SMARCC1: variants seen among roughly 807,000 people sequenced by gnomAD.
SMARCC1 encodes the protein SWI/SNF complex subunit SMARCC1.
Under a neutral mutation model 147.4 loss-of-function variants are expected in SMARCC1, and 43 were observed. The ratio of observed to expected loss-of-function variants is 0.29; its 90% CI spans 0.23 to 0.38. SMARCC1 has a LOEUF of 0.38. SMARCC1 is among the 10% of genes least tolerant of loss of function. The pLI is 1.00. For synonymous variants in SMARCC1, 495 were observed against 484.4 expected (o/e 1.02, Z -0.29); for missense variants, 1,119 against 1,381.1 (o/e 0.81, Z 3.01).
At chr3:47,643,535 A>T (rs2033080168) in intron 21 of SMARCC1, among the ~76,000 whole-genome samples, 2 of 152,224 alleles carry the variant, frequency 1.3e-5, no homozygotes, top group African/African-American at 4.8e-5. Flanking sequence ...AAAAAGAAAA[A>T]AAAAAGCAAG....
intron 2 of SMARCC1, among the ~76,000 whole-genome samples, chr3:47,770,374 A>T (rs2034898960): frequency 6.6e-6 from 1 of 152,040 alleles, no homozygotes; most frequent in Non-Finnish European, 1.5e-5. Context: ...TAATCCCAGC[A>T]CTTTGGGAGG....
Position 47,590,670 on chromosome 3 carries a change from T to C in SMARCC1, c.3211A>G (p.Asn1071Asp), listed in dbSNP as rs139202319. ...CCTCCATGTTACTTACACATGCCGTTAGGTGCTGTCAGGGGTACCCGGGGT... is the reference window on the plus strand; with the variant it reads ...CCTCCATGTTACTTACACATGCCGTCAGGTGCTGTCAGGGGTACCCGGGGT... ...LGPRVPLTAP[N>D]GMYPPPPQQQ... The change falls in exon 27 of 28, where the codon AAC becomes GAC. Residue 1071 changes from asparagine to aspartate, a missense_variant. Around this residue, in one of 6 missense-constraint regions of SMARCC1, gnomAD observed 186 missense variants for 216.5 expected, o/e 0.86. Transcript: ENST00000254480. The C allele has an allele frequency of 4.7e-5, 72 of 1,542,432 alleles. No individual in the cohort carries two copies. The African/African-American group carries it at 6.2e-4, about 13-fold the overall frequency.
At chr3:47,774,625 G>C (rs961903707) in intron 1 of SMARCC1, among the ~76,000 whole-genome samples, 15 of 151,748 alleles carry the variant, frequency 9.9e-5, no homozygotes, top group African/African-American at 3.1e-4. Context: ...CACCATGTTA[G>C]CCAGGATGGT....
rs1027115410 is a variant in SMARCC1 at position 47,629,065 on chromosome 3, G to A, written c.2646+6125C>T. On this transcript the variant is annotated intron_variant, in intron 24 of 27. Coordinates refer to ENST00000254480, the MANE Select transcript of SMARCC1 (RefSeq NM_003074.4). ...ACTGTGGAGAACAATTCTGCGAGTA[G>A]GACTGGGCCCTGATGAAGGAACTGG... 6.6e-5 allele frequency among the ~76,000 whole-genome samples: 10 copies of A among 152,162 alleles called. No homozygotes were observed. In the East Asian group the frequency reaches 1.7e-3, roughly 26 times the overall value.
intron 14 of SMARCC1, among the ~76,000 whole-genome samples, chr3:47,680,895 G>A (rs954442410): frequency 3.3e-5 from 5 of 152,120 alleles, no homozygotes; most frequent in African/African-American, 9.7e-5. Context: ...CTAAGTAAAA[G>A]TGATAAATCC....
intron 21 of SMARCC1, among the ~76,000 whole-genome samples, chr3:47,650,298 A>AATT (rs55981108): frequency 0.13 from 18,931 of 140,832 alleles, 1,530 homozygotes; most frequent in Non-Finnish European, 0.16. Context: ...TAATAATAAT[A>AATT]ATTATTATTA....
At chr3:47,708,922 G>T (rs918394654) in intron 9 of SMARCC1, among the ~76,000 whole-genome samples, 5 of 152,110 alleles carry the variant, frequency 3.3e-5, no homozygotes, top group African/African-American at 9.7e-5. Context: ...TTACAGGTGT[G>T]AGCCACTGGG....
Position 47,673,226 on chromosome 3 carries a change from A to T in SMARCC1, c.1839+2249T>A, listed in dbSNP as rs57089974. Among the ~76,000 whole-genome samples the T allele has an allele frequency of 4.2e-3, 635 of 152,040 alleles. 6 individuals are homozygous for T. Among genetic ancestry groups the T allele is most frequent in the African/African-American group, 0.015 (612 of 41,472 alleles). On this transcript the variant is annotated intron_variant, in intron 18 of 27. Coordinates refer to ENST00000254480, the MANE Select transcript of SMARCC1 (RefSeq NM_003074.4). ...CAGTGAGATGTTCTCTCTTTAAAAA[A>T]ATAAAAATAAAAAAAAAGCCGGGTG...
At position 47,635,290 on chromosome 3, in the gene SMARCC1, T is replaced by C. The variant is rs1031147970; in HGVS notation, c.2546A>G (p.Glu849Gly). 1.9e-6 allele frequency: 3 copies of C among 1,612,746 alleles called. No homozygotes were observed. The highest frequency in any genetic ancestry group is 1.1e-5 in the South Asian group (1 of 91,044). Reference sequence around the variant, plus strand: ...TACTTTCTTCTTCCCAGTATCACTTTCTCTTTCTTTACATGTATCAGTGAG... The same window carrying C: ...TACTTTCTTCTTCCCAGTATCACTTCCTCTTTCTTTACATGTATCAGTGAG... The part of the protein sequence containing the change: ...KELTDTCKER[E>G]SDTGKKKVEH... The change falls in exon 24 of 28, where the codon GAA (glutamate) becomes GGA (glycine). Residue 849 changes from glutamate to glycine, a missense_variant. Transcript: ENST00000254480.
rs1384230695 is a variant in SMARCC1, at chr3:47,590,744, C to G, written c.3137G>C (p.Ser1046Thr). The change falls in exon 27 of 28, where the codon AGT (serine) becomes ACT (threonine). Residue 1046 changes from serine to threonine, a missense_variant. This residue lies in a region of SMARCC1 where 186 missense variants were observed against 216.5 expected (regional missense o/e 0.86). Coordinates refer to ENST00000254480, the MANE Select transcript of SMARCC1 (RefSeq NM_003074.4). ...TGGCATGCCAGGAGGGGTAGGGCCA[C>G]TCCCAGAGGGGTGGATGTTGGCTGC... is the stretch of plus-strand genomic sequence containing the variant. The part of the protein sequence containing the change: ...TVAANIHPSG[S>T]GPTPPGMPPM... The G allele has an allele frequency of 4.4e-6, 7 of 1,603,374 alleles. No homozygotes were observed. The highest frequency in any genetic ancestry group is 5.1e-6 in the Non-Finnish European group (6 of 1,175,912).
At chr3:47,608,861 A>AG (rs1296857436) in intron 26 of SMARCC1, among the ~76,000 whole-genome samples, 1 of 151,142 alleles carries the variant, frequency 6.6e-6, no homozygotes, top group East Asian at 1.9e-4. Context: ...AAAAAAAAAA[A>AG]AAAAAAAAAA....
rs959268861 is a variant in SMARCC1 at position 47,781,875 on chromosome 3, C to A, written c.-78G>T. The stretch of plus-strand genomic sequence containing the variant: ...TCCCGGTCGTTCCCGCGCGCACCCC[C>A]GCGCGCGTAGCCGCCACTGCCGCTT... On this transcript the variant is annotated 5_prime_UTR_variant, in exon 1 of 28. Transcript: ENST00000254480. 5.3e-5 allele frequency: 55 copies of A among 1,032,078 alleles called. No individual in the cohort carries two copies. The highest frequency in any genetic ancestry group is 4.4e-4 in the South Asian group (12 of 27,200). The allele number at this position is 1,032,078 out of a possible 1,614,324, so 63.9% of individuals were successfully genotyped here. A position where few individuals can be genotyped will look rare whatever the true frequency, so the allele number is the denominator to read the frequency against.
chr3:47,678,486 C>T (rs982362769), intron 15 of SMARCC1, 175 bp from the exon 16 acceptor site: 5 of 410,522 alleles, frequency 1.2e-5, no homozygotes, highest in Admixed American at 8.9e-5. Context: ...TTTAGAACCA[C>T]GAATATGCAA....
At chr3:47,662,295 A>T in intron 20 of SMARCC1, 39 bp downstream of exon 20, 1 of 1,570,244 alleles carries the variant, frequency 6.4e-7, no homozygotes, top group Non-Finnish European at 8.7e-7. Context: ...GGATAAACTG[A>T]GTTTTTCTGT....
At chr3:47,692,610 T>C (rs2033803429) in intron 12 of SMARCC1, among the ~76,000 whole-genome samples, 1 of 152,224 alleles carries the variant, frequency 6.6e-6, no homozygotes, top group Admixed American at 6.5e-5. Context: ...TCACTAAGAA[T>C]GGCAACAATG....
intron 6 of SMARCC1, among the ~76,000 whole-genome samples, chr3:47,725,303 T>C (rs895590652): frequency 2.0e-5 from 3 of 152,160 alleles, no homozygotes; most frequent in Non-Finnish European, 4.4e-5. Flanking sequence ...CTGCTGGTTG[T>C]CAAGGACTAA....
chr3:47,680,274 T>A (rs938606803), intron 15 of SMARCC1, 163 bp downstream of exon 15: 2 of 594,754 alleles, frequency 3.4e-6, no homozygotes, highest in Non-Finnish European at 5.9e-6. Flanking sequence ...TAGATACAAT[T>A]TCCTGTGTAC....
At position 47,675,465 on chromosome 3, in the gene SMARCC1, G is replaced by C. The variant is rs774908626; in HGVS notation, c.1839+10C>G. On this transcript the variant is annotated intron_variant, in intron 18 of 27. Coordinates refer to ENST00000254480, the MANE Select transcript of SMARCC1 (RefSeq NM_003074.4). ...CTGGATTGCAGCCCATGTGTGATTA[G>C]AAAAATTACCTTTGCTAATGTTTTC... 2.8e-6 allele frequency: 4 copies of C among 1,442,268 alleles called. No homozygotes were observed. Among genetic ancestry groups the C allele is most frequent in the Non-Finnish European group, 2.0e-6 (2 of 1,024,070 alleles). 89.3% of individuals were successfully genotyped at this position (1,442,268 alleles called of 1,614,324 possible).
At chr3:47,671,466 T>C (rs756006958) in intron 18 of SMARCC1, among the ~76,000 whole-genome samples, 4 of 152,166 alleles carry the variant, frequency 2.6e-5, no homozygotes, top group Non-Finnish European at 5.9e-5. Flanking sequence ...TGATTCCAAC[T>C]GCAATAAGCC....
Sources: allele counts gnomAD v4.1 joint callset (sites outside exome capture counted in the v4.1 genomes callset), GRCh38; gene constraint gnomAD v4.1.1; regional missense constraint gnomAD v4.1.1; transcripts MANE v1.5; gene names NCBI Gene and HGNC (gene_info 2026-07-23, HGNC 2026-07-21).